XPA: variants seen among roughly 807,000 people sequenced by gnomAD.
XPA encodes XPA, DNA damage recognition and repair factor, also known as DNA repair protein complementing XP-A cells.
XPA carries 27 observed loss-of-function variants against 35.7 expected under a neutral mutation model. The observed-to-expected ratio is 0.76, with a 90% CI of 0.56 to 1.04. The LOEUF (loss-of-function observed/expected upper bound fraction) is 1.04, where lower values mean the gene tolerates loss of function less well. Among genes scored for constraint, XPA ranks in the 50% least tolerant of loss-of-function variants. The pLI is 0.00. For missense variants in XPA, 354 were observed against 342.7 expected, an observed-to-expected ratio of 1.03 and a Z score of -0.26; for synonymous variants, 133 against 118.4, an observed-to-expected ratio of 1.12 and a Z score of -0.80.
the XPA span, chr9:97,662,827 T>A: frequency 1.5e-6 from 1 of 681,300 alleles, no homozygotes; most frequent in South Asian, 2.0e-5. Flanking sequence ...TCCTTAATGG[T>A]TAATACTTAG....
intron 1 of XPA, among the ~76,000 whole-genome samples, chr9:97,694,019 C>G (rs1398994616): frequency 6.6e-6 from 1 of 152,144 alleles, no homozygotes; most frequent in Non-Finnish European, 1.5e-5. Flanking sequence ...GTAAAATATC[C>G]ACAAGAATCT....
chr9:97,664,285 A>G, the XPA span: 2 of 1,141,448 alleles, frequency 1.8e-6, no homozygotes, highest in Non-Finnish European at 2.6e-6. Context: ...GGTGGCACAT[A>G]TATATGTGTG....
upstream of XPA, chr9:97,697,340 TG>T (rs771439003): frequency 4.6e-5 from 74 of 1,593,924 alleles, no homozygotes; most frequent in Non-Finnish European, 6.0e-5. Flanking sequence ...GCACGCGCAC[TG>T]CACGCCGAGG....
At chr9:97,689,487 C>T (rs777662646) in intron 3 of XPA, 47 bp downstream of exon 3, 2 of 1,208,400 alleles carry the variant, frequency 1.7e-6, no homozygotes, top group East Asian at 2.3e-5. Context: ...TTGCCCTAAA[C>T]CTACACATAA....
intron 5 of XPA, among the ~76,000 whole-genome samples, chr9:97,681,336 G>C (rs1828531471): frequency 6.6e-6 from 1 of 152,132 alleles, no homozygotes. Context: ...ATGACAATAT[G>C]ATGCTTTGGT....
chr9:97,696,955 A>G (rs1000695069), intron 1 of XPA, among the ~76,000 whole-genome samples, 166 bp downstream of exon 1: 2 of 152,170 alleles, frequency 1.3e-5, no homozygotes, highest in Non-Finnish European at 2.9e-5. Context: ...ACGCTTTGAC[A>G]AGGCGGCTGG....
At chr9:97,685,884 C>T (rs1446540348) in intron 4 of XPA, among the ~76,000 whole-genome samples, 1 of 152,192 alleles carries the variant, frequency 6.6e-6, no homozygotes, top group African/African-American at 2.4e-5. Context: ...GGAATACCTT[C>T]ATAAGTCTTT....
At chr9:97,691,127 G>A (rs528624525) in intron 2 of XPA, among the ~76,000 whole-genome samples, 1 of 152,132 alleles carries the variant, frequency 6.6e-6, no homozygotes, top group African/African-American at 2.4e-5. Flanking sequence ...TAAACAGCAT[G>A]GTAATAGAAG....
downstream of XPA, chr9:97,672,099 A>G (rs1828209714): frequency 6.6e-6 from 1 of 152,224 alleles, no homozygotes; most frequent in South Asian, 2.1e-4. Flanking sequence ...GATCCAAAAA[A>G]CTACGAAGTC....
chr9:97,670,274 C>CA (rs1476609029), downstream of XPA, among the ~76,000 whole-genome samples: 1 of 152,004 alleles, frequency 6.6e-6, no homozygotes, highest in African/African-American at 2.4e-5. Context: ...ATGTAGAGGA[C>CA]AAAAATATCA....
Position 97,697,183 on chromosome 9 carries a change from A to G in XPA, c.110T>C (p.Met37Thr). ...SIERKRQRAL[M>T]LRQARLAARP... is the part of the protein sequence containing the mutation. ...GGCAGCCAGCCGGGCCTGGCGCAGC[A>G]TCAGTGCCCGCTGCCGCTTCCGCTC... The change falls in exon 1 of 6, where the codon ATG (methionine) becomes ACG (threonine). Residue 37 changes from methionine (M) to threonine (T), a missense_variant. Coordinates refer to ENST00000375128, the MANE Select transcript of XPA (RefSeq NM_000380.4). 1.9e-6 allele frequency: 3 copies of G among 1,594,478 alleles called. No individual in the cohort carries two copies. The highest frequency in any genetic ancestry group is 2.7e-5 in the African/African-American group (2 of 74,148).
intron 1 of XPA, among the ~76,000 whole-genome samples, chr9:97,696,668 T>A (rs1429620424): frequency 6.6e-6 from 1 of 152,190 alleles, no homozygotes; most frequent in Non-Finnish European, 1.5e-5. Context: ...TTGGCAACTC[T>A]AATTGTTGAA....
chr9:97,667,425 AGTTG>A, the XPA span, among the ~76,000 whole-genome samples: 1 of 152,212 alleles, frequency 6.6e-6, no homozygotes, highest in Non-Finnish European at 1.5e-5. Context: ...GGTGAAAAAA[AGTTG>A]AGTTTAGTGC....
downstream of XPA, among the ~76,000 whole-genome samples, chr9:97,674,527 ATTTG>A (rs1213108480): frequency 6.6e-6 from 1 of 152,254 alleles, no homozygotes; most frequent in African/African-American, 2.4e-5. Flanking sequence ...ACTAACTGGA[ATTTG>A]TTTTTGTCAA....
chr9:97,664,497 G>C, the XPA span: 4 of 1,194,938 alleles, frequency 3.3e-6, no homozygotes, highest in East Asian at 2.4e-5. Flanking sequence ...ATATATGTGT[G>C]GTCTCTTATA....
chr9:97,686,414 G>A (rs761152784), intron 4 of XPA, among the ~76,000 whole-genome samples: 3 of 152,124 alleles, frequency 2.0e-5, no homozygotes, highest in Non-Finnish European at 2.9e-5. Flanking sequence ...AGAGCTATAT[G>A]GACACTCGCT....
chr9:97,683,386 G>C (rs1249918610), intron 5 of XPA, among the ~76,000 whole-genome samples: 6 of 152,168 alleles, frequency 3.9e-5, no homozygotes, highest in African/African-American at 1.4e-4. Flanking sequence ...TACAGCAGTG[G>C]CTAATTTTGG....
chr9:97,674,143 C>CCG (rs1564034569), downstream of XPA, among the ~76,000 whole-genome samples: 12 of 151,816 alleles, frequency 7.9e-5, no homozygotes, highest in Admixed American at 5.2e-4. Context: ...CTTCCCCGCC[C>CCG]CCATAATGCT....
rs770101529 is a variant in XPA at position 97,675,590 on chromosome 9, GA to G, written c.674-4del. On this transcript the variant is annotated splice_region_variant and splice_polypyrimidine_tract_variant and intron_variant, in intron 5 of 5. Coordinates refer to ENST00000375128, the MANE Select transcript of XPA (RefSeq NM_000380.4). ...GCTTCTTACTGCTCGCCGCAATTCT[GA>G]AAAAAAAATTTTAAAGTCATCTTTT... The G allele has an allele frequency of 1.4e-5, 22 of 1,612,046 alleles. No homozygotes were observed. The African/African-American group carries it at 2.3e-4, about 17-fold the overall frequency.
Sources: allele counts gnomAD v4.1 joint callset (sites outside exome capture counted in the v4.1 genomes callset), GRCh38; gene constraint gnomAD v4.1.1; transcripts MANE v1.5; gene names NCBI Gene and HGNC (gene_info 2026-07-23, HGNC 2026-07-21).